Variants in PDE5A observed in about 807,000 individuals in gnomAD.
The protein encoded by PDE5A is cGMP-specific 3',5'-cyclic phosphodiesterase.
A neutral mutation model predicts 110.2 loss-of-function variants in PDE5A; 67 were observed. The ratio of observed to expected loss-of-function variants is 0.61; its 90% CI spans 0.50 to 0.75. The LOEUF (loss-of-function observed/expected upper bound fraction) is 0.75, where lower values mean the gene tolerates loss of function less well. Among genes scored for constraint, PDE5A ranks in the 30% least tolerant of loss-of-function variants. The probability of loss-of-function intolerance (pLI) is 0.00; values close to 1 mark genes in which losing one functional copy is unlikely to be tolerated. For missense variants in PDE5A, 862 were observed against 1,045.1 expected (o/e 0.82, Z 2.42); for synonymous variants, 328 against 351.2 (o/e 0.93, Z 0.74).
intron 1 of PDE5A, among the ~76,000 whole-genome samples, chr4:119,615,626 A>AG (rs1729912046): frequency 6.6e-6 from 1 of 151,988 alleles, no homozygotes; most frequent in African/African-American, 2.4e-5. Context: ...AAAAAAAAAA[A>AG]AAGAAAAAAA....
chr4:119,596,996 T>C (rs769368459), intron 2 of PDE5A, among the ~76,000 whole-genome samples: 1 of 152,160 alleles, frequency 6.6e-6, no homozygotes, highest in Non-Finnish European at 1.5e-5. Context: ...ACCTTTTCAA[T>C]AAATGACTTT....
chr4:119,528,588 G>T (rs1375793281), intron 11 of PDE5A, among the ~76,000 whole-genome samples: 1 of 152,164 alleles, frequency 6.6e-6, no homozygotes, highest in Non-Finnish European at 1.5e-5. Flanking sequence ...GGGGGTGCTA[G>T]TCCAGATGTT....
At chr4:119,529,977 T>C (rs761558984) in intron 11 of PDE5A, among the ~76,000 whole-genome samples, 5 of 152,118 alleles carry the variant, frequency 3.3e-5, no homozygotes, top group Non-Finnish European at 7.4e-5. Context: ...ACAGACCTAC[T>C]GAATCAGAAA....
intron 15 of PDE5A, among the ~76,000 whole-genome samples, chr4:119,509,032 T>C (rs1335084682): frequency 1.3e-5 from 2 of 152,072 alleles, no homozygotes; most frequent in Non-Finnish European, 2.9e-5. Context: ...AGTGGGATAC[T>C]GAAATGAAAG....
chr4:119,598,678 T>G (rs1327355782), intron 2 of PDE5A, among the ~76,000 whole-genome samples: 1 of 152,070 alleles, frequency 6.6e-6, no homozygotes, highest in Non-Finnish European at 1.5e-5. Flanking sequence ...AAAGACAACA[T>G]AAGTAATTGC....
intron 15 of PDE5A, among the ~76,000 whole-genome samples, chr4:119,508,929 A>G (rs958585402): frequency 6.6e-6 from 1 of 152,170 alleles, no homozygotes. Flanking sequence ...AACATATTAC[A>G]TAATAAGTTA....
chr4:119,560,148 G>A (rs1172518341), intron 7 of PDE5A, 148 bp downstream of exon 7: 2 of 497,996 alleles, frequency 4.0e-6, no homozygotes, highest in East Asian at 7.0e-5. Context: ...CTTGATGGAG[G>A]ACGACTTAGG....
In PDE5A at chr4:119,580,202, A is replaced by G. The variant is rs528392257; in HGVS notation, c.832-13058T>C. Reference sequence around the variant, plus strand: ...TCATCCCTTTGAACAATTAAAAAAAAAATCCCCCTCCTGCCAAATACTAAA... The same window carrying G: ...TCATCCCTTTGAACAATTAAAAAAAGAATCCCCCTCCTGCCAAATACTAAA... On this transcript the variant is annotated intron_variant, in intron 3 of 20. Coordinates refer to ENST00000354960, the MANE Select transcript of PDE5A (RefSeq NM_001083.4). 1.1e-4 allele frequency among the ~76,000 whole-genome samples: 17 copies of G among 152,124 alleles called. No homozygotes were observed. The East Asian group carries it at 3.1e-3, about 28-fold the overall frequency.
intron 1 of PDE5A, among the ~76,000 whole-genome samples, chr4:119,624,778 C>A (rs965112525): frequency 6.6e-6 from 1 of 152,170 alleles, no homozygotes. Context: ...GCAGCATTAG[C>A]ACCAGGAAAG....
At chr4:119,570,456 A>G (rs1728101494) in intron 3 of PDE5A, among the ~76,000 whole-genome samples, 1 of 152,142 alleles carries the variant, frequency 6.6e-6, no homozygotes, top group South Asian at 2.1e-4. Context: ...CTATTTCTGT[A>G]AAAGCGCAAA....
chr4:119,562,662 CT>C (rs1045672707), intron 6 of PDE5A, among the ~76,000 whole-genome samples, 170 bp downstream of exon 6: 1 of 152,288 alleles, frequency 6.6e-6, no homozygotes, highest in East Asian at 1.9e-4. Context: ...CCCTCCACCC[CT>C]ACCTGTCTTC....
chr4:119,595,442 T>C (rs56843000), intron 3 of PDE5A, among the ~76,000 whole-genome samples: 72,836 of 152,046 alleles, frequency 0.48, 17,759 homozygotes, highest in South Asian at 0.64. Context: ...TGTGAGGGTG[T>C]TCCCAGAAGA....
At chr4:119,603,763 G>C (rs979806869) in intron 2 of PDE5A, among the ~76,000 whole-genome samples, 1 of 152,096 alleles carries the variant, frequency 6.6e-6, no homozygotes, top group African/African-American at 2.4e-5. Flanking sequence ...CTGTTTCACA[G>C]ACACCTCTCT....
Position 119,497,373 on chromosome 4 carries a change from G to T in PDE5A, c.*1228C>A, listed in dbSNP as rs967524805. On this transcript the variant is annotated 3_prime_UTR_variant, in exon 21 of 21. Transcript: ENST00000354960. The stretch of plus-strand genomic sequence containing the variant: ...GTAGAATATTAATCCACTTAAATGG[G>T]CTCAAATTCTAAGAAAATATTAACT... 6.6e-6 allele frequency: 1 copy of T among 152,048 alleles called. No homozygotes were observed. Among genetic ancestry groups the T allele is most frequent in the Non-Finnish European group, 1.5e-5 (1 of 67,988 alleles). The allele number at this position is 152,048 out of a possible 1,614,324, so 9.4% of individuals were successfully genotyped here. A position where few individuals can be genotyped will look rare whatever the true frequency, so the allele number is the denominator to read the frequency against.
chr4:119,512,149 A>C (rs1267564486), intron 14 of PDE5A, among the ~76,000 whole-genome samples: 1 of 152,174 alleles, frequency 6.6e-6, no homozygotes, highest in African/African-American at 2.4e-5. Context: ...CTAAGACTGA[A>C]GAAATGTAAT....
intron 11 of PDE5A, among the ~76,000 whole-genome samples, chr4:119,526,375 T>C (rs1259294540): frequency 6.6e-6 from 1 of 152,082 alleles, no homozygotes; most frequent in Non-Finnish European, 1.5e-5. Context: ...AAACATTCAT[T>C]TGGACCAAGG....
chr4:119,552,530 G>C lies in PDE5A; in HGVS notation c.1396+20C>G. ...TTTTTAAAAATAAGTTTAGAGTATA[G>C]GTTAAAGGAAAGGTTTTACCTATAA... On this transcript the variant is annotated intron_variant, in intron 9 of 20. Coordinates refer to ENST00000354960, the MANE Select transcript of PDE5A (RefSeq NM_001083.4). 2.8e-6 allele frequency: 3 copies of C among 1,060,078 alleles called. No homozygotes were observed. The highest frequency in any genetic ancestry group is 4.0e-6 in the Non-Finnish European group (3 of 752,166). 65.7% of individuals were successfully genotyped at this position (1,060,078 alleles called of 1,614,324 possible).
chr4:119,583,999 G>T (rs945633673), intron 3 of PDE5A, among the ~76,000 whole-genome samples: 1 of 152,188 alleles, frequency 6.6e-6, no homozygotes, highest in Non-Finnish European at 1.5e-5. Context: ...ACATAGAGGA[G>T]AGAACTGCTG....
At chr4:119,502,531 TAAA>T in intron 19 of PDE5A, 47 bp downstream of exon 19, 1 of 958,066 alleles carries the variant, frequency 1.0e-6, no homozygotes, top group Non-Finnish European at 1.6e-6. Context: ...AGTCTACAAT[TAAA>T]AAAAAAACAA....
Sources: gnomAD v4.1 joint callset for allele counts (sites outside exome capture counted in the v4.1 genomes callset) on GRCh38, gnomAD v4.1.1 for gene constraint, MANE v1.5 for transcripts, NCBI Gene and HGNC (gene_info 2026-07-23, HGNC 2026-07-21) for gene names.